DNA2: variants seen among roughly 807,000 people sequenced by gnomAD.
DNA2 encodes the protein DNA replication ATP-dependent helicase/nuclease DNA2.
DNA2 carries 101 observed loss-of-function variants against 119.1 expected under a neutral mutation model. The observed-to-expected ratio is 0.85, with a 90% confidence interval of 0.72 to 1.00. The LOEUF (loss-of-function observed/expected upper bound fraction) is 1.00. Ranked by LOEUF, DNA2 falls within the 50% of genes least tolerant of loss-of-function variation. DNA2 has a pLI of 0.00. For synonymous variants in DNA2, 366 were observed against 424.4 expected (o/e 0.86, Z 1.69); for missense variants, 1,121 against 1,255.5 (o/e 0.89, Z 1.62).
chr10:68,434,442 G>A (rs936252045), intron 10 of DNA2, among the ~76,000 whole-genome samples: 1 of 151,734 alleles, frequency 6.6e-6, no homozygotes, highest in South Asian at 2.1e-4. Flanking sequence ...GAGCCCATGA[G>A]TTCAAGACCA....
intron 5 of DNA2, among the ~76,000 whole-genome samples, chr10:68,456,424 T>C (rs1290227792): frequency 2.0e-5 from 3 of 152,126 alleles, no homozygotes; most frequent in Non-Finnish European, 2.9e-5. Context: ...TAAAGCATTT[T>C]TGTTTTTTGA....
Position 68,436,823 on chromosome 10 carries a change from T to C in DNA2, c.1646+188A>G, listed in dbSNP as rs4746769. 99,588 of 536,094 alleles carry C rather than the reference T, an allele frequency of 0.19. 11,378 individuals carry two copies. Among genetic ancestry groups the C allele is most frequent in the East Asian group, 0.4 (12,291 of 30,698 alleles). The allele number at this position is 536,094 out of a possible 1,614,324, so 33.2% of individuals were successfully genotyped here. On this transcript the variant is annotated intron_variant, in intron 10 of 20. Coordinates refer to ENST00000358410, the MANE Select transcript of DNA2 (RefSeq NM_001080449.3). The stretch of plus-strand genomic sequence containing the variant: ...AAAATGAAAAGTGACTACTAAAGGG[T>C]ATAGGGCTTCTTCCTTGGGAGTTTC...
At position 68,419,073 on chromosome 10, in the gene DNA2, A is replaced by G. The variant is rs370224482; in HGVS notation, c.2928T>C (p.Ile976=). Residue 976 remains isoleucine (I), a synonymous_variant, in exon 19 of 21, where the codon ATT becomes ATC. Coordinates refer to ENST00000358410, the MANE Select transcript of DNA2 (RefSeq NM_001080449.3). ...VDKYQGRDKS[I]VLVSFVRSNK... ...TACTTCTAACAAAAGATACTAGGAC[A>G]ATACTTTTGTCCCTTCCTTGGTATT... The G allele has an allele frequency of 3.7e-6, 6 of 1,611,712 alleles. No individual in the cohort carries two copies. In the African/African-American group the frequency reaches 8.0e-5, roughly 22 times the overall value.
At chr10:68,415,491 G>A (rs1564873730) in intron 20 of DNA2, among the ~76,000 whole-genome samples, 1 of 151,962 alleles carries the variant, frequency 6.6e-6, no homozygotes, top group Non-Finnish European at 1.5e-5. Context: ...GGTCAGGCTG[G>A]TCTCGAACTC....
At chr10:68,457,380 G>A (rs778372053) in intron 5 of DNA2, among the ~76,000 whole-genome samples, 5 of 152,102 alleles carry the variant, frequency 3.3e-5, no homozygotes, top group South Asian at 2.1e-4. Context: ...ACAGCTGTAC[G>A]GTTCACTACT....
At chr10:68,436,987 T>A (rs1414340340) in intron 10 of DNA2, 24 bp downstream of exon 10, 1 of 1,547,170 alleles carries the variant, frequency 6.5e-7, no homozygotes, top group Non-Finnish European at 8.9e-7. Context: ...AAAGCTGTTA[T>A]CAAAAAAAGT....
rs1235232799 is a variant in DNA2 at position 68,416,073 on chromosome 10, A to G, written c.3114+636T>C. ...CGTACCTGTGGTCCCAGATACTCAG[A>G]AAGGTAAGGTGGGACGACTATTTGA... On this transcript the variant is annotated intron_variant, in intron 20 of 20. Transcript: ENST00000358410. Among the ~76,000 whole-genome samples, 9 of 152,282 alleles carry G rather than the reference A, an allele frequency of 5.9e-5. No individual in the cohort carries two copies. The East Asian group carries it at 1.5e-3, about 26-fold the overall frequency.
At position 68,432,520 on chromosome 10, in the gene DNA2, C is replaced by T; in HGVS notation, c.1647-10G>A. On this transcript the variant is annotated splice_polypyrimidine_tract_variant and intron_variant, in intron 10 of 20. Coordinates refer to ENST00000358410, the MANE Select transcript of DNA2 (RefSeq NM_001080449.3). ...AAGGACCGACAAGTTTCTAAAACAA[C>T]AAAACAAATATACATGAATGCTCGC... 1 of 1,412,704 alleles carries T rather than the reference C, an allele frequency of 7.1e-7. No homozygotes were observed. Among genetic ancestry groups the T allele is most frequent in the Non-Finnish European group, 9.8e-7 (1 of 1,024,800 alleles). 87.5% of individuals were successfully genotyped at this position (1,412,704 alleles called of 1,614,324 possible). A position where few individuals can be genotyped will look rare whatever the true frequency, so the allele number is the denominator to read the frequency against.
At chr10:68,439,263 G>A (rs1280848993) in intron 9 of DNA2, among the ~76,000 whole-genome samples, 1 of 147,540 alleles carries the variant, frequency 6.8e-6, no homozygotes, top group Non-Finnish European at 1.5e-5. Flanking sequence ...GTGTGGTGGT[G>A]CATGCCTGTA....
chr10:68,425,039 G>A (rs977947206), intron 14 of DNA2: 22 of 446,630 alleles, frequency 4.9e-5, no homozygotes, highest in African/African-American at 4.5e-4. Context: ...GAGATTTTTA[G>A]GCTAGTGTGT....
intron 4 of DNA2, among the ~76,000 whole-genome samples, chr10:68,464,649 G>C (rs924349173): frequency 6.6e-6 from 1 of 150,610 alleles, no homozygotes; most frequent in Non-Finnish European, 1.5e-5. Context: ...CCTCAACATG[G>C]AGAAACCCCG....
chr10:68,454,565 G>C (rs534575942), intron 5 of DNA2, among the ~76,000 whole-genome samples: 49 of 152,246 alleles, frequency 3.2e-4, no homozygotes, highest in Admixed American at 2.4e-3. Flanking sequence ...CAGCACTTTG[G>C]GAGGGTGAGG....
rs372526518 is a variant in DNA2 at position 68,465,732 on chromosome 10, A to G, written c.522T>C (p.Phe174=). The G allele has an allele frequency of 1.4e-5, 22 of 1,608,614 alleles. No homozygotes were observed. Among genetic ancestry groups the G allele is most frequent in the Non-Finnish European group, 1.7e-5 (20 of 1,177,840 alleles). Residue 174 remains phenylalanine (F), a synonymous_variant, in exon 4 of 21, where the codon TTT becomes TTC. Coordinates refer to ENST00000358410, the MANE Select transcript of DNA2 (RefSeq NM_001080449.3). ...EVFQKAINNS[F]APEKLQELAF... Reference sequence around the variant, plus strand: ...CAAGTTCTTGTAGCTTTTCTGGGGCAAAGCTATTATTTATGGCTTTTTGAA... The same window carrying G: ...CAAGTTCTTGTAGCTTTTCTGGGGCGAAGCTATTATTTATGGCTTTTTGAA...
At chr10:68,437,736 T>C (rs2051910135) in intron 9 of DNA2, among the ~76,000 whole-genome samples, 2 of 152,276 alleles carry the variant, frequency 1.3e-5, no homozygotes, top group South Asian at 4.1e-4. Flanking sequence ...TACAGTAAAA[T>C]GTTAGAAATG....
At chr10:68,471,674 G>A in intron 1 of DNA2, 117 bp downstream of exon 1, 1 of 1,305,048 alleles carries the variant, frequency 7.7e-7, no homozygotes, top group Non-Finnish European at 1.0e-6. Context: ...CCAGGGAGCT[G>A]CACCGGGTCC....
intron 5 of DNA2, among the ~76,000 whole-genome samples, chr10:68,453,176 C>T (rs1303194859): frequency 6.6e-6 from 1 of 152,144 alleles, no homozygotes; most frequent in Non-Finnish European, 1.5e-5. Context: ...GCTGGGATTA[C>T]AGGCGTGAGC....
At position 68,414,450 on chromosome 10, in the gene DNA2, C is replaced by A. The variant is rs942742222; in HGVS notation, c.*589G>T. On this transcript the variant is annotated 3_prime_UTR_variant, in exon 21 of 21. Coordinates refer to ENST00000358410, the MANE Select transcript of DNA2 (RefSeq NM_001080449.3). ...CAAAAGATGATGTAAGAATTATTTT[C>A]TTTTATATCAAAATCTACTCTAGAA... 2.0e-5 allele frequency: 3 copies of A among 152,008 alleles called. No homozygotes were observed. Among genetic ancestry groups the A allele is most frequent in the Admixed American group, 2.0e-4 (3 of 15,246 alleles). The allele number at this position is 152,008 out of a possible 1,614,324, so 9.4% of individuals were successfully genotyped here. A position where few individuals can be genotyped will look rare whatever the true frequency, so the allele number is the denominator to read the frequency against.
intron 19 of DNA2, among the ~76,000 whole-genome samples, chr10:68,418,229 G>C (rs1425885078): frequency 2.0e-5 from 3 of 152,002 alleles, no homozygotes; most frequent in Non-Finnish European, 4.4e-5. Context: ...GCCTGGACAA[G>C]ATGGTGAAAC....
At chr10:68,420,045 A>G (rs1486303085) in intron 17 of DNA2, among the ~76,000 whole-genome samples, 153 bp from the exon 18 acceptor site, 1 of 152,234 alleles carries the variant, frequency 6.6e-6, no homozygotes, top group Non-Finnish European at 1.5e-5. Context: ...AATGAATATT[A>G]ATATTAGTCA....
Sources: allele counts gnomAD v4.1 joint callset (sites outside exome capture counted in the v4.1 genomes callset), GRCh38; gene constraint gnomAD v4.1.1; transcripts MANE v1.5; gene names NCBI Gene and HGNC (gene_info 2026-07-23, HGNC 2026-07-21).